The following PDE8A variants were observed in gnomAD, a reference collection of about 807,000 sequenced individuals.
PDE8A encodes phosphodiesterase 8A.
In PDE8A, 59 loss-of-function variants were observed where a neutral mutation model predicts 105.0. The observed-to-expected ratio is 0.56, with a 90% confidence interval of 0.46 to 0.70. PDE8A has a LOEUF of 0.70. PDE8A is among the 30% of genes least tolerant of loss of function. The pLI, the probability that PDE8A is intolerant of heterozygous loss-of-function variation, is 0.00. For missense variants in PDE8A, 1,014 were observed against 1,045.9 expected, an observed-to-expected ratio of 0.97 and a Z score of 0.42; for synonymous variants, 355 against 371.9, an observed-to-expected ratio of 0.95 and a Z score of 0.52.
In PDE8A at chr15:85,077,302, C is replaced by A. The variant is rs149526261; in HGVS notation, c.546+515C>A. ...TTCTCTCCACTCCCAGCTTCAATCT[C>A]TTGGTTTCCCTAAGCCAAAAGGTTG... On this transcript the variant is annotated intron_variant, in intron 5 of 21. Coordinates refer to ENST00000394553, the MANE Select transcript of PDE8A (RefSeq NM_002605.3). Among the ~76,000 whole-genome samples, 932 of 152,286 alleles carry A rather than the reference C, an allele frequency of 6.1e-3. 14 individuals are homozygous for A. The highest frequency in any genetic ancestry group is 0.021 in the African/African-American group (886 of 41,544).
intron 20 of PDE8A, among the ~76,000 whole-genome samples, chr15:85,134,652 T>C (rs1381497217): frequency 6.6e-6 from 1 of 152,224 alleles, no homozygotes; most frequent in Non-Finnish European, 1.5e-5. Context: ...CTGACTTTCT[T>C]GGCACTTGTC....
At chr15:85,137,127 T>G (rs983452432) in intron 21 of PDE8A, among the ~76,000 whole-genome samples, 1 of 152,148 alleles carries the variant, frequency 6.6e-6, no homozygotes, top group Non-Finnish European at 1.5e-5. Flanking sequence ...GAACTGATAT[T>G]CCACGTGCAT....
chr15:85,072,378 G>A (rs1263758315), intron 3 of PDE8A, among the ~76,000 whole-genome samples: 2 of 152,088 alleles, frequency 1.3e-5, no homozygotes, highest in Non-Finnish European at 2.9e-5. Context: ...TCTGGTAGTT[G>A]CCCCCAGTAT....
At chr15:85,133,681 T>C (rs1198071085) in intron 20 of PDE8A, among the ~76,000 whole-genome samples, 1 of 152,212 alleles carries the variant, frequency 6.6e-6, no homozygotes, top group African/African-American at 2.4e-5. Flanking sequence ...ATTACTGATG[T>C]TACTCCGGTG....
At chr15:85,056,175 T>C (rs1231933315) in intron 1 of PDE8A, among the ~76,000 whole-genome samples, 1 of 152,236 alleles carries the variant, frequency 6.6e-6, no homozygotes, top group Non-Finnish European at 1.5e-5. Flanking sequence ...TGCTGAGATA[T>C]CAGCTGTTAG....
At chr15:85,031,384 G>A (rs950065141) in intron 1 of PDE8A, among the ~76,000 whole-genome samples, 3 of 152,084 alleles carry the variant, frequency 2.0e-5, no homozygotes, top group Non-Finnish European at 2.9e-5. Context: ...TCTGTGTGCC[G>A]TCAAAAACCC....
intron 1 of PDE8A, among the ~76,000 whole-genome samples, chr15:85,041,573 C>T (rs12902942): frequency 0.21 from 31,499 of 152,160 alleles, 4,306 homozygotes; most frequent in Middle Eastern, 0.34. Flanking sequence ...TGAGACTTTC[C>T]GCCCACCATT....
chr15:85,019,580 T>G (rs1039190404), intron 1 of PDE8A, among the ~76,000 whole-genome samples: 2 of 151,682 alleles, frequency 1.3e-5, no homozygotes, highest in Admixed American at 1.3e-4. Flanking sequence ...TTTTGTGGGG[T>G]TTTTTTTGTT....
intron 20 of PDE8A, among the ~76,000 whole-genome samples, chr15:85,135,000 G>A (rs570274834): frequency 1.3e-5 from 2 of 152,186 alleles, no homozygotes; most frequent in Admixed American, 6.5e-5. Flanking sequence ...AGCTGCGGTG[G>A]GGGGAGAGAG....
Position 85,113,873 on chromosome 15 carries a change from G to T in PDE8A, c.1186G>T (p.Val396Leu). ...CAAGTATTTTCTTTCCATAATGTAG[G>T]TAATCAATATTATCAATGCTGCCCA... ...SMTIEAPITK[V>L]INIINAAQES... The change falls in exon 14 of 22, where the codon GTA becomes TTA. Residue 396 changes from valine (V) to leucine (L), a missense_variant and splice_region_variant. Coordinates refer to ENST00000394553, the MANE Select transcript of PDE8A (RefSeq NM_002605.3). 6.2e-7 allele frequency: 1 copy of T among 1,607,104 alleles called. No homozygotes were observed. Among genetic ancestry groups the T allele is most frequent in the Non-Finnish European group, 8.5e-7 (1 of 1,175,496 alleles).
intron 1 of PDE8A, among the ~76,000 whole-genome samples, chr15:85,029,662 C>G (rs2080580078): frequency 6.6e-6 from 1 of 152,080 alleles, no homozygotes; most frequent in Admixed American, 6.6e-5. Flanking sequence ...TTATAAAACC[C>G]TGGAGATAGA....
At chr15:85,035,010 G>A (rs1337766815) in intron 1 of PDE8A, among the ~76,000 whole-genome samples, 1 of 152,058 alleles carries the variant, frequency 6.6e-6, no homozygotes, top group Non-Finnish European at 1.5e-5. Flanking sequence ...TCTACAAGGG[G>A]TAACAGAAAC....
chr15:85,080,025 G>A (rs1299904334), intron 5 of PDE8A, among the ~76,000 whole-genome samples: 1 of 152,030 alleles, frequency 6.6e-6, no homozygotes, highest in Non-Finnish European at 1.5e-5. Flanking sequence ...ACAGTTACAA[G>A]ACACTTAACA....
At chr15:85,071,345 G>T (rs2081307672) in intron 3 of PDE8A, among the ~76,000 whole-genome samples, 1 of 152,220 alleles carries the variant, frequency 6.6e-6, no homozygotes, top group Non-Finnish European at 1.5e-5. Flanking sequence ...CTGGGCAGAG[G>T]CCTGCACTCT....
chr15:85,028,099 A>G (rs1166772215), intron 1 of PDE8A, among the ~76,000 whole-genome samples: 3 of 152,222 alleles, frequency 2.0e-5, no homozygotes, highest in Non-Finnish European at 4.4e-5. Flanking sequence ...CATGATTCCT[A>G]AAATTTTTTA....
intron 6 of PDE8A, among the ~76,000 whole-genome samples, chr15:85,084,874 G>A (rs530688926): frequency 5.9e-5 from 9 of 151,982 alleles, no homozygotes; most frequent in East Asian, 1.9e-4. Flanking sequence ...TTCTACATAC[G>A]TCCCTAAATC....
chr15:85,115,395 A>G (rs777020793), intron 14 of PDE8A, 44 bp from the exon 15 acceptor site: 1 of 1,327,336 alleles, frequency 7.5e-7, no homozygotes, highest in Admixed American at 2.0e-5. Flanking sequence ...GAAGGAAAGA[A>G]TAGTTGTGAC....
At chr15:85,061,460 G>A (rs1168176905) in intron 1 of PDE8A, among the ~76,000 whole-genome samples, 6 of 151,748 alleles carry the variant, frequency 4.0e-5, no homozygotes, top group Admixed American at 2.0e-4. Context: ...GGCTGGTTTC[G>A]AATTCCTGGC....
chr15:84,987,366 T>C (rs2079819137), intron 1 of PDE8A, among the ~76,000 whole-genome samples: 1 of 152,004 alleles, frequency 6.6e-6, no homozygotes, highest in Admixed American at 6.6e-5. Context: ...TGAGGTAAGG[T>C]TTATGATAGG....
Sources: gnomAD v4.1 joint callset for allele counts (sites outside exome capture counted in the v4.1 genomes callset) on GRCh38, gnomAD v4.1.1 for gene constraint, MANE v1.5 for transcripts, NCBI Gene and HGNC (gene_info 2026-07-23, HGNC 2026-07-21) for gene names.